The following IQSEC3 variants were observed in gnomAD, a reference collection of about 807,000 sequenced individuals.
IQSEC3 encodes IQ motif and SEC7 domain-containing protein 3.
In IQSEC3, 50 loss-of-function variants were observed where a neutral mutation model predicts 105.4. That is an observed-to-expected ratio of 0.47 (90% CI 0.38 to 0.60). The LOEUF (loss-of-function observed/expected upper bound fraction) is 0.60, where lower values mean the gene tolerates loss of function less well. Ranked by LOEUF, IQSEC3 falls within the 20% of genes least tolerant of loss-of-function variation. The pLI is 0.00. For synonymous variants in IQSEC3, 708 were observed against 746.0 expected, an observed-to-expected ratio of 0.95 and a Z score of 0.83; for missense variants, 1,415 against 1,630.0, an observed-to-expected ratio of 0.87 and a Z score of 2.27.
intron 1 of IQSEC3, among the ~76,000 whole-genome samples, chr12:96,019 GCA>G (rs1864232552): frequency 6.6e-6 from 1 of 152,156 alleles, no homozygotes; most frequent in Admixed American, 6.5e-5. Context: ...ATGGCCTGAG[GCA>G]CAGTCTTAAG....
At chr12:73,257 G>T (rs1863396760) in intron 1 of IQSEC3, among the ~76,000 whole-genome samples, 1 of 152,204 alleles carries the variant, frequency 6.6e-6, no homozygotes, top group Non-Finnish European at 1.5e-5. Context: ...CTCCCCAGCT[G>T]TGAGACGTCG....
At chr12:151,607 G>T (rs1292798999) in intron 5 of IQSEC3, among the ~76,000 whole-genome samples, 1 of 152,170 alleles carries the variant, frequency 6.6e-6, no homozygotes, top group Non-Finnish European at 1.5e-5. Flanking sequence ...AGAACAAACA[G>T]GACCCTGTCG....
chr12:174,759 A>G lies in IQSEC3; in HGVS notation c.3275A>G (p.Gln1092Arg). Reference sequence around the variant, plus strand: ...CCCACGCCCCCGGGCACCCTGGTGCAGTGCCAGCAAATTGTCAAGGTCATT... The same window carrying G: ...CCCACGCCCCCGGGCACCCTGGTGCGGTGCCAGCAAATTGTCAAGGTCATT... ...PPPTPPGTLV[Q>R]CQQIVKVIVL... Residue 1092 changes from glutamine (Q) to arginine (R), a missense_variant, in exon 14 of 14, where the codon CAG becomes CGG. Coordinates refer to ENST00000538872, the MANE Select transcript of IQSEC3 (RefSeq NM_001170738.2). The G allele has an allele frequency of 6.3e-7, 1 of 1,590,358 alleles. No individual in the cohort carries two copies. Among genetic ancestry groups the G allele is most frequent in the Non-Finnish European group, 8.5e-7 (1 of 1,177,228 alleles).
At chr12:70,939 C>G (rs567380024) in intron 1 of IQSEC3, among the ~76,000 whole-genome samples, 1 of 152,278 alleles carries the variant, frequency 6.6e-6, no homozygotes, top group Non-Finnish European at 1.5e-5. Flanking sequence ...GCCTCACTAC[C>G]CTTTTTCCTT....
At chr12:87,683 T>A (rs1330660533) in intron 1 of IQSEC3, among the ~76,000 whole-genome samples, 1 of 152,130 alleles carries the variant, frequency 6.6e-6, no homozygotes, top group African/African-American at 2.4e-5. Context: ...GATTTGAGCA[T>A]GTTTATATGC....
In IQSEC3 at chr12:169,122, C is replaced by T. The variant is rs1938833617; in HGVS notation, c.3064+17C>T. 1 of 1,610,358 alleles carries T rather than the reference C, an allele frequency of 6.2e-7. No homozygotes were observed. Among genetic ancestry groups the T allele is most frequent in the African/African-American group, 1.3e-5 (1 of 74,874 alleles). ...CGCCGACAGGTGAGCCTCGGCTCCG[C>T]TCAGGGCACCAGTCCCCATGGAGGC... On this transcript the variant is annotated intron_variant, in intron 12 of 13. Coordinates refer to ENST00000538872, the MANE Select transcript of IQSEC3 (RefSeq NM_001170738.2).
At chr12:68,911 C>G (rs1268867522) in intron 1 of IQSEC3, among the ~76,000 whole-genome samples, 2 of 152,150 alleles carry the variant, frequency 1.3e-5, no homozygotes, top group Non-Finnish European at 2.9e-5. Flanking sequence ...ATTCAAGTCC[C>G]AAGAAGATAC....
At chr12:100,055 TCTGGC>T (rs1864373251) in intron 2 of IQSEC3, among the ~76,000 whole-genome samples, 1 of 152,196 alleles carries the variant, frequency 6.6e-6, no homozygotes, top group Admixed American at 6.5e-5. Context: ...CCACTTGGAT[TCTGGC>T]CTGAAATTTG....
intron 2 of IQSEC3, among the ~76,000 whole-genome samples, chr12:109,374 T>C (rs1864794419): frequency 6.6e-6 from 1 of 152,152 alleles, no homozygotes; most frequent in Non-Finnish European, 1.5e-5. Context: ...ATAACCCTAG[T>C]TCGGATCTTC....
chr12:93,235 G>A (rs1555073948), intron 1 of IQSEC3, among the ~76,000 whole-genome samples: 2 of 152,196 alleles, frequency 1.3e-5, no homozygotes, highest in Non-Finnish European at 2.9e-5. Context: ...AAGCTTCACT[G>A]GGGTTTGAGG....
intron 9 of IQSEC3, among the ~76,000 whole-genome samples, chr12:163,983 C>T (rs908267715): frequency 2.6e-5 from 4 of 152,188 alleles, no homozygotes; most frequent in African/African-American, 9.7e-5. Context: ...GGAGCAGGGC[C>T]TAGGCGGAGC....
intron 2 of IQSEC3, among the ~76,000 whole-genome samples, chr12:116,712 G>A (rs1865060146): frequency 6.6e-6 from 1 of 152,224 alleles, no homozygotes; most frequent in Non-Finnish European, 1.5e-5. Flanking sequence ...GGATCTGCAA[G>A]ACCCTGACTG....
chr12:78,871 C>T (rs545931119), intron 1 of IQSEC3, among the ~76,000 whole-genome samples: 157 of 152,192 alleles, frequency 1.0e-3, no homozygotes, highest in Admixed American at 3.5e-3. Flanking sequence ...TGGGACCCTT[C>T]CAGTGGCAGA....
intron 1 of IQSEC3, among the ~76,000 whole-genome samples, chr12:92,163 G>T (rs1211902320): frequency 6.6e-6 from 1 of 152,162 alleles, no homozygotes; most frequent in Non-Finnish European, 1.5e-5. Context: ...GAAGCCACAG[G>T]GGACTGAATT....
chr12:127,101 T>A (rs1555083746), intron 3 of IQSEC3, among the ~76,000 whole-genome samples: 1 of 152,220 alleles, frequency 6.6e-6, no homozygotes, highest in Admixed American at 6.5e-5. Context: ...TGAGTGGACA[T>A]GCTGTCCAGG....
intron 1 of IQSEC3, 104 bp from the exon 2 acceptor site, chr12:99,042 G>T (rs1312283860): frequency 9.8e-7 from 1 of 1,015,904 alleles, no homozygotes; most frequent in Non-Finnish European, 1.4e-6. Context: ...CAAAAGGGCG[G>T]GGGTAGGAGC....
chr12:117,463 TGAGGAGGCCTGAGGAAGCTTCCA>T (rs1482744309), intron 2 of IQSEC3, among the ~76,000 whole-genome samples: 13 of 152,300 alleles, frequency 8.5e-5, no homozygotes, highest in African/African-American at 3.1e-4. Context: ...AGGCGGTGCC[TGAGGAGGCCTGAGGAAGCTTCCA>T]GAGGAGGCCT....
At chr12:78,651 C>T (rs571925794) in intron 1 of IQSEC3, among the ~76,000 whole-genome samples, 19 of 152,132 alleles carry the variant, frequency 1.2e-4, no homozygotes, top group Non-Finnish European at 2.1e-4. Context: ...TGAGCAGGGC[C>T]CTGGGTTTGA....
At chr12:141,351 G>A (rs1866019975) in intron 5 of IQSEC3, 66 bp downstream of exon 5, 2 of 1,525,970 alleles carry the variant, frequency 1.3e-6, no homozygotes, top group Non-Finnish European at 1.8e-6. Context: ...GGCTCTCTCT[G>A]TGAGCTCCTT....
Sources: allele counts gnomAD v4.1 joint callset (sites outside exome capture counted in the v4.1 genomes callset), GRCh38; gene constraint gnomAD v4.1.1; transcripts MANE v1.5; gene names NCBI Gene and HGNC (gene_info 2026-07-23, HGNC 2026-07-21).